SLC39A14: variants seen among roughly 807,000 people sequenced by gnomAD.
SLC39A14 encodes the protein metal cation symporter ZIP14.
Under a neutral mutation model 45.5 loss-of-function variants are expected in SLC39A14, and 19 were observed. The observed-to-expected ratio is 0.42, with a 90% CI of 0.29 to 0.61. SLC39A14 has a LOEUF of 0.61. Among genes scored for constraint, SLC39A14 ranks in the 20% least tolerant of loss-of-function variants. SLC39A14 has a pLI of 0.22. For missense variants in SLC39A14, 447 were observed against 616.5 expected (o/e 0.73, Z 2.91); for synonymous variants, 264 against 251.3 (o/e 1.05, Z -0.48).
chr8:22,380,701 G>C (rs7001659), intron 1 of SLC39A14, among the ~76,000 whole-genome samples: 4,824 of 151,832 alleles, frequency 0.032, 240 homozygotes, highest in African/African-American at 0.11. Flanking sequence ...CCCAGAGATG[G>C]GGTCTCACTC....
downstream of SLC39A14, among the ~76,000 whole-genome samples, chr8:22,423,340 G>GT (rs61108660): frequency 0.037 from 5,034 of 135,816 alleles, 295 homozygotes; most frequent in African/African-American, 0.13. Context: ...TTGTTGTTTT[G>GT]TTTTTTTTTT....
rs1186177232 is a variant in SLC39A14, at chr8:22,408,306, T to C, written c.271-4T>C. 1.9e-6 allele frequency: 3 copies of C among 1,611,748 alleles called. No homozygotes were observed. The highest frequency in any genetic ancestry group is 2.5e-6 in the Non-Finnish European group (3 of 1,178,220). The stretch of plus-strand genomic sequence containing the variant: ...AGCGGCTTCCTGCCCTTCCTGTGTT[T>C]CAGTGCTTTAGTTCTGGAGACCTCT... On this transcript the variant is annotated splice_region_variant and splice_polypyrimidine_tract_variant and intron_variant, in intron 2 of 8. Coordinates refer to ENST00000381237, the MANE Select transcript of SLC39A14 (RefSeq NM_001128431.4).
intron 1 of SLC39A14, among the ~76,000 whole-genome samples, chr8:22,393,700 C>T (rs565982869): frequency 1.4e-4 from 22 of 152,098 alleles, no homozygotes; most frequent in Non-Finnish European, 1.0e-4. Flanking sequence ...GAGACAAGGT[C>T]TTTCTCTGTC....
intron 1 of SLC39A14, chr8:22,390,044 T>C (rs1373942889): frequency 1.3e-5 from 2 of 158,860 alleles, no homozygotes; most frequent in African/African-American, 4.8e-5. Flanking sequence ...CGGTCTTGGC[T>C]CTTAGAGCGC....
intron 8 of SLC39A14, 142 bp from the exon 9 acceptor site, chr8:22,419,410 C>A: frequency 1.3e-6 from 1 of 749,866 alleles, no homozygotes. Context: ...TCTCGAACTC[C>A]TGACCTCTAG....
chr8:22,406,813 C>T (rs543036275), intron 2 of SLC39A14, among the ~76,000 whole-genome samples: 6 of 152,258 alleles, frequency 3.9e-5, no homozygotes, highest in Admixed American at 2.6e-4. Context: ...AATGCAGCTG[C>T]GTGAGCCTCA....
rs539073380 is a variant in SLC39A14, at chr8:22,386,376, C to T, written c.-15-18320C>T. On this transcript the variant is annotated intron_variant, in intron 1 of 8. Transcript: ENST00000381237. Reference sequence around the variant, plus strand: ...CCGCCTCCCGGGTTCGAGGGATTCTCCTGCCTCAGCCTCCCGAGTAGCTGT... The same window carrying T: ...CCGCCTCCCGGGTTCGAGGGATTCTTCTGCCTCAGCCTCCCGAGTAGCTGT... 6.6e-5 allele frequency among the ~76,000 whole-genome samples: 10 copies of T among 151,928 alleles called. 1 individual carries two copies. Among genetic ancestry groups the T allele is most frequent in the African/African-American group, 2.2e-4 (9 of 41,432 alleles).
At chr8:22,374,559 C>T (rs79106530) in intron 1 of SLC39A14, among the ~76,000 whole-genome samples, 2,127 of 119,562 alleles carry the variant, frequency 0.018, 32 homozygotes, top group East Asian at 0.1. Context: ...GGATGGTACA[C>T]GTGGCCCAGA....
rs535100442 is a variant in SLC39A14, at chr8:22,429,607, A to T, written c.1333-4284A>T. Among the ~76,000 whole-genome samples the T allele has an allele frequency of 5.3e-5, 8 of 152,330 alleles. No individual in the cohort carries two copies. In the East Asian group the frequency reaches 1.5e-3, roughly 29 times the overall value. Reference sequence around the variant, plus strand: ...TAAATATACTCCAACCTTTAATTTCATTTATAATTGGGAGCAGCATGGGGA... The same window carrying T: ...TAAATATACTCCAACCTTTAATTTCTTTTATAATTGGGAGCAGCATGGGGA... On this transcript the variant is annotated intron_variant, in intron 8 of 8. Coordinates refer to the SLC39A14 transcript ENST00000240095.
At chr8:22,431,139 C>T (rs1174593901) in intron 8 of SLC39A14, among the ~76,000 whole-genome samples, 1 of 152,006 alleles carries the variant, frequency 6.6e-6, no homozygotes, top group African/African-American at 2.4e-5. Flanking sequence ...AGGCACGTGC[C>T]ACCACACCTG....
At chr8:22,397,282 T>G (rs1834544067) in intron 1 of SLC39A14, among the ~76,000 whole-genome samples, 1 of 152,096 alleles carries the variant, frequency 6.6e-6, no homozygotes, top group African/African-American at 2.4e-5. Flanking sequence ...TTTTTATTCC[T>G]TAAGACCTCC....
chr8:22,421,471 T>C lies in SLC39A14; in HGVS notation c.*1773T>C. On this transcript the variant is annotated 3_prime_UTR_variant, in exon 9 of 9. Transcript: ENST00000381237. Reference sequence around the variant, plus strand: ...AAATTTCAGTGATGGAGATTCTAGATTAAATATCAGGACTGATTTCCTGGT... The same window carrying C: ...AAATTTCAGTGATGGAGATTCTAGACTAAATATCAGGACTGATTTCCTGGT... The C allele has an allele frequency of 1.0e-6, 1 of 982,756 alleles. No individual in the cohort carries two copies. The highest frequency in any genetic ancestry group is 1.2e-6 in the Non-Finnish European group (1 of 829,020). The allele number at this position is 982,756 out of a possible 1,614,324, so 60.9% of individuals were successfully genotyped here.
At position 22,412,098 on chromosome 8, in the gene SLC39A14, C is replaced by T. The variant is rs575293939; in HGVS notation, c.519C>T (p.Ser173=). The T allele has an allele frequency of 6.7e-5, 104 of 1,551,546 alleles. No individual in the cohort carries two copies. Among genetic ancestry groups the T allele is most frequent in the East Asian group, 4.9e-4 (20 of 40,892 alleles). Residue 173 remains serine, a synonymous_variant, in exon 4 of 9, where the codon AGC becomes AGT. Coordinates refer to ENST00000381237, the MANE Select transcript of SLC39A14 (RefSeq NM_001128431.4). ...VISLCSLLGA[S]VVPFMKKTFY... ...CCCTCTGCTCCCTCCTGGGGGCCAG[C>T]GTGGTGCCCTTCATGAAGAAGACCT...
intron 1 of SLC39A14, among the ~76,000 whole-genome samples, chr8:22,400,721 C>G (rs770909510): frequency 6.6e-6 from 1 of 152,184 alleles, no homozygotes; most frequent in Admixed American, 6.5e-5. Flanking sequence ...GTGCCCCATA[C>G]GTGGATCCTA....
At chr8:22,390,917 C>T (rs1017812862) in intron 1 of SLC39A14, among the ~76,000 whole-genome samples, 1 of 152,114 alleles carries the variant, frequency 6.6e-6, no homozygotes, top group African/African-American at 2.4e-5. Context: ...AGCCTGGACA[C>T]CTTCCGGAGG....
chr8:22,408,257 G>A (rs549131410), intron 2 of SLC39A14, 53 bp from the exon 3 acceptor site: 3 of 1,545,666 alleles, frequency 1.9e-6, no homozygotes, highest in East Asian at 2.3e-5. Flanking sequence ...GTTTAGCAGG[G>A]CAAGGCCTGA....
In SLC39A14 at chr8:22,419,291, C is replaced by T. The variant is rs1836079250; in HGVS notation, c.1333-261C>T. The stretch of plus-strand genomic sequence containing the variant: ...CCTTGCCTTCCGGGTTCAAGCAATT[C>T]TCCTGCCTCAGCCTCCCAAGTAGCT... On this transcript the variant is annotated intron_variant, in intron 8 of 8. Transcript: ENST00000381237. 2.0e-5 allele frequency among the ~76,000 whole-genome samples: 3 copies of T among 152,238 alleles called. No individual in the cohort carries two copies. In the South Asian group the frequency reaches 6.2e-4, roughly 32 times the overall value.
At chr8:22,401,859 G>A (rs1196876252) in intron 1 of SLC39A14, among the ~76,000 whole-genome samples, 1 of 151,884 alleles carries the variant, frequency 6.6e-6, no homozygotes, top group African/African-American at 2.4e-5. Flanking sequence ...TTCTTTCTCA[G>A]TTCTAAACTC....
intron 1 of SLC39A14, among the ~76,000 whole-genome samples, chr8:22,372,562 G>A (rs1262786083): frequency 6.6e-6 from 1 of 152,082 alleles, no homozygotes; most frequent in African/African-American, 2.4e-5. Context: ...CTGTTAATTA[G>A]CTTTCACTAA....
Sources: allele counts gnomAD v4.1 joint callset (sites outside exome capture counted in the v4.1 genomes callset), GRCh38; gene constraint gnomAD v4.1.1; transcripts MANE v1.5; gene names NCBI Gene and HGNC (gene_info 2026-07-23, HGNC 2026-07-21).